SIL1: variants seen among roughly 807,000 people sequenced by gnomAD.
The protein encoded by SIL1 is nucleotide exchange factor SIL1.
A neutral mutation model predicts 49.1 loss-of-function variants in SIL1; 40 were observed. That is an observed-to-expected ratio of 0.81 (90% CI 0.63 to 1.06). SIL1 has a LOEUF of 1.06. Ranked by LOEUF, SIL1 falls within the 50% of genes least tolerant of loss-of-function variation. The probability of loss-of-function intolerance (pLI) is 0.00; values close to 1 mark genes in which losing one functional copy is unlikely to be tolerated. For synonymous variants in SIL1, 253 were observed against 250.8 expected (o/e 1.01, Z -0.08); for missense variants, 500 against 572.6 (o/e 0.87, Z 1.29).
intron 1 of SIL1, among the ~76,000 whole-genome samples, chr5:139,136,507 G>A (rs1221982125): frequency 6.6e-6 from 1 of 152,194 alleles, no homozygotes; most frequent in East Asian, 1.9e-4. Context: ...CTGCACGTTA[G>A]GAAAAGGGAG....
At chr5:139,016,459 A>G (rs1768400436) in intron 7 of SIL1, among the ~76,000 whole-genome samples, 1 of 152,226 alleles carries the variant, frequency 6.6e-6, no homozygotes, top group Non-Finnish European at 1.5e-5. Context: ...AAACCACAGG[A>G]ATAGATAGTA....
intron 7 of SIL1, among the ~76,000 whole-genome samples, chr5:138,970,818 C>T (rs1411977909): frequency 7.8e-4 from 119 of 152,146 alleles, no homozygotes; most frequent in Non-Finnish European, 4.4e-5. Flanking sequence ...AGGAGAATAG[C>T]TTGAACCTGG....
rs543433790 is a variant in SIL1 at position 138,979,893 on chromosome 5, A to G, written c.768-28009T>C. Among the ~76,000 whole-genome samples the G allele has an allele frequency of 7.2e-5, 11 of 152,338 alleles. No individual in the cohort carries two copies. The South Asian group carries it at 1.9e-3, about 26-fold the overall frequency. ...TCCTGAGAAGTGAACGGCATCATCA[A>G]TAACAAACTCCCTGACTGAAATGCT... On this transcript the variant is annotated intron_variant, in intron 7 of 9. Coordinates refer to ENST00000394817, the MANE Select transcript of SIL1 (RefSeq NM_022464.5).
chr5:139,111,638 G>A (rs867032306), intron 3 of SIL1, among the ~76,000 whole-genome samples: 7 of 152,136 alleles, frequency 4.6e-5, no homozygotes, highest in Non-Finnish European at 5.9e-5. Flanking sequence ...TTCAACAAAT[G>A]GAATATGAAA....
At chr5:139,028,170 G>A (rs986516485) in intron 5 of SIL1, among the ~76,000 whole-genome samples, 5 of 151,494 alleles carry the variant, frequency 3.3e-5, no homozygotes, top group African/African-American at 1.2e-4. Context: ...TCACAAAAAC[G>A]ATGTGTGCCT....
chr5:138,994,552 C>T (rs886620527), intron 7 of SIL1, among the ~76,000 whole-genome samples: 6 of 152,168 alleles, frequency 3.9e-5, no homozygotes, highest in African/African-American at 1.4e-4. Flanking sequence ...ACATTTACTG[C>T]ATTCTAGCTT....
At chr5:138,977,446 G>A (rs747262753) in intron 7 of SIL1, among the ~76,000 whole-genome samples, 4 of 152,030 alleles carry the variant, frequency 2.6e-5, no homozygotes, top group Admixed American at 6.6e-5. Flanking sequence ...CTTCTCTCCC[G>A]CAAAGCAATC....
rs190428162 is a variant in SIL1, at chr5:139,018,831, T to A, written c.767+2340A>T. On this transcript the variant is annotated intron_variant, in intron 7 of 9. Transcript: ENST00000394817. ...TCACAGGTCATTGTATATTATTTGATACTCACTCAATTTTATGAAATGCAG... is the reference window on the plus strand; with the variant it reads ...TCACAGGTCATTGTATATTATTTGAAACTCACTCAATTTTATGAAATGCAG... 1.5e-3 allele frequency among the ~76,000 whole-genome samples: 235 copies of A among 152,318 alleles called. 2 individuals carry two copies. Among genetic ancestry groups the A allele is most frequent in the Non-Finnish European group, 2.9e-3 (196 of 68,016 alleles).
At chr5:139,074,225 G>GT (rs1312256194) in intron 3 of SIL1, among the ~76,000 whole-genome samples, 1 of 152,036 alleles carries the variant, frequency 6.6e-6, no homozygotes, top group Non-Finnish European at 1.5e-5. Flanking sequence ...CCCAGCTAAT[G>GT]TTTTAATTTT....
intron 7 of SIL1, among the ~76,000 whole-genome samples, chr5:138,961,374 T>C (rs1439888679): frequency 3.3e-5 from 5 of 152,242 alleles, no homozygotes. Flanking sequence ...CAAGTTCCAC[T>C]TAACTCTATG....
intron 1 of SIL1, among the ~76,000 whole-genome samples, chr5:139,156,661 T>C (rs576928567): frequency 2.6e-5 from 4 of 152,330 alleles, no homozygotes; most frequent in Non-Finnish European, 4.4e-5. Flanking sequence ...TTTGTAGACA[T>C]TGGCCTTGAA....
chr5:139,045,222 T>G (rs768644083), intron 4 of SIL1, among the ~76,000 whole-genome samples: 1 of 152,032 alleles, frequency 6.6e-6, no homozygotes, highest in Non-Finnish European at 1.5e-5. Flanking sequence ...CCAGGCAAGG[T>G]GGTGTGCACC....
In SIL1 at chr5:139,184,349, C is replaced by G. The variant is rs537710593; in HGVS notation, c.-11+13920G>C. On this transcript the variant is annotated intron_variant, in intron 1 of 9. Transcript: ENST00000394817. ...CCCTAAATGGGTCATTTAGACTCTC[C>G]GAGCCTCAATATTTTACCACCATAA... Among the ~76,000 whole-genome samples, 11 of 152,192 alleles carry G rather than the reference C, an allele frequency of 7.2e-5. No individual in the cohort carries two copies. The East Asian group carries it at 1.9e-3, about 27-fold the overall frequency.
rs926361310 is a variant in SIL1 at position 139,154,966 on chromosome 5, T to C, written c.-10-27113A>G. 9.2e-5 allele frequency among the ~76,000 whole-genome samples: 14 copies of C among 152,288 alleles called. No homozygotes were observed. The East Asian group carries it at 2.1e-3, about 23-fold the overall frequency. ...CTGAAGACAAGTATGAAAAACAAGA[T>C]TGAAATGCTTCAGGGATGTGTTTGT... On this transcript the variant is annotated intron_variant, in intron 1 of 9. Transcript: ENST00000394817.
intron 3 of SIL1, among the ~76,000 whole-genome samples, chr5:139,102,484 C>T: frequency 8.6e-6 from 1 of 115,692 alleles, no homozygotes; most frequent in East Asian, 3.5e-4. Flanking sequence ...TGTCAGCAGG[C>T]AAAAAAAAAA....
chr5:139,197,695 G>A (rs1752304542), intron 1 of SIL1, among the ~76,000 whole-genome samples: 1 of 152,064 alleles, frequency 6.6e-6, no homozygotes, highest in South Asian at 2.1e-4. Context: ...GGGACCACCT[G>A]AATGAGAACC....
chr5:139,115,881 T>A (rs1290783271), intron 3 of SIL1, among the ~76,000 whole-genome samples: 1 of 152,214 alleles, frequency 6.6e-6, no homozygotes, highest in Non-Finnish European at 1.5e-5. Context: ...GCCCAGGACT[T>A]GCAACTGCCA....
intron 5 of SIL1, among the ~76,000 whole-genome samples, chr5:139,028,282 G>A (rs907374449): frequency 1.1e-4 from 16 of 151,020 alleles, no homozygotes; most frequent in Admixed American, 4.0e-4. Context: ...GGCAGATCAC[G>A]AGGTCAGGAG....
intron 4 of SIL1, among the ~76,000 whole-genome samples, chr5:139,048,782 T>C (rs890311767): frequency 1.3e-5 from 2 of 152,222 alleles, no homozygotes; most frequent in African/African-American, 2.4e-5. Flanking sequence ...CACTGAAATA[T>C]GTGTGTATTG....
Sources: gnomAD v4.1 joint callset for allele counts (sites outside exome capture counted in the v4.1 genomes callset) on GRCh38, gnomAD v4.1.1 for gene constraint, MANE v1.5 for transcripts, NCBI Gene and HGNC (gene_info 2026-07-23, HGNC 2026-07-21) for gene names.